The following CELA2B variants were observed in gnomAD, a reference collection of about 807,000 sequenced individuals.
CELA2B encodes chymotrypsin like elastase 2B.
CELA2B carries 27 observed loss-of-function variants against 36.5 expected under a neutral mutation model. The observed-to-expected ratio is 0.74, with a 90% CI of 0.55 to 1.02. The LOEUF (loss-of-function observed/expected upper bound fraction) is 1.02. CELA2B is among the 50% of genes least tolerant of loss of function. The pLI, the probability that CELA2B is intolerant of heterozygous loss-of-function variation, is 0.00. For missense variants in CELA2B, 340 were observed against 347.8 expected, an observed-to-expected ratio of 0.98 and a Z score of 0.18; for synonymous variants, 143 against 148.5, an observed-to-expected ratio of 0.96 and a Z score of 0.27.
At chr1:15,476,347 G>A in intron 1 of CELA2B, 110 bp from the exon 2 acceptor site, 2 of 1,392,838 alleles carry the variant, frequency 1.4e-6, no homozygotes, top group South Asian at 2.4e-5. Flanking sequence ...GACCTCTTGG[G>A]ATCCTTCTAG....
chr1:15,477,938 T>C (rs1324099665), intron 2 of CELA2B, among the ~76,000 whole-genome samples: 1 of 152,098 alleles, frequency 6.6e-6, no homozygotes, highest in Admixed American at 6.6e-5. Flanking sequence ...GCATTCAGAG[T>C]GACCTATGCA....
intron 2 of CELA2B, among the ~76,000 whole-genome samples, chr1:15,480,067 C>T (rs1302827890): frequency 1.3e-5 from 2 of 152,126 alleles, no homozygotes; most frequent in African/African-American, 2.4e-5. Context: ...AAGGATCAGT[C>T]TGGCTGCTGT....
intron 2 of CELA2B, among the ~76,000 whole-genome samples, chr1:15,479,675 G>A (rs571688130): frequency 2.6e-4 from 39 of 152,366 alleles, no homozygotes; most frequent in Non-Finnish European, 4.9e-4. Context: ...GTGTCTGTGT[G>A]TGCATATGTA....
rs186936455 is a variant in CELA2B, at chr1:15,476,326, A to C, written c.41-131A>C. The C allele has an allele frequency of 3.1e-5, 44 of 1,401,538 alleles. No individual in the cohort carries two copies. In the East Asian group the frequency reaches 8.5e-4, roughly 27 times the overall value. The allele number at this position is 1,401,538 out of a possible 1,614,324, so 86.8% of individuals were successfully genotyped here. A position where few individuals can be genotyped will look rare whatever the true frequency, so the allele number is the denominator to read the frequency against. On this transcript the variant is annotated intron_variant, in intron 1 of 7. Transcript: ENST00000375910. ...AGTTTCAAAGAATTGGAGCAAACAG[A>C]AGGATTTTATGACCTCTTGGGATCC...
rs1177420286 is a variant in CELA2B, at chr1:15,485,986, C to T, written c.579C>T (p.Gly193=). 6.2e-7 allele frequency: 1 copy of T among 1,614,044 alleles called. No individual in the cohort carries two copies. Among genetic ancestry groups the T allele is most frequent in the Non-Finnish European group, 8.5e-7 (1 of 1,180,046 alleles). ...CCTGCTCCAGCTCTGGCTGGTGGGG[C>T]AGCACCGTGAAGACGAATATGATCT... ...YATCSSSGWW[G]STVKTNMICA... The change falls in exon 6 of 8, where the codon GGC becomes GGT. Residue 193 remains glycine, a synonymous_variant. Coordinates refer to ENST00000375910, the MANE Select transcript of CELA2B (RefSeq NM_015849.3).
At chr1:15,490,033 C>T (rs1708857916) in intron 7 of CELA2B, among the ~76,000 whole-genome samples, 3 of 152,122 alleles carry the variant, frequency 2.0e-5, no homozygotes, top group Non-Finnish European at 4.4e-5. Flanking sequence ...ACCACCATGC[C>T]CAACTAATTT....
At chr1:15,487,250 C>T (rs1434944758) in intron 6 of CELA2B, 35 bp from the exon 7 acceptor site, 3 of 1,600,926 alleles carry the variant, frequency 1.9e-6, no homozygotes, top group Non-Finnish European at 1.7e-6. Context: ...CCCCTTCCTC[C>T]CACTTCAACT....
chr1:15,477,913 G>A (rs181771595), intron 2 of CELA2B, among the ~76,000 whole-genome samples: 1 of 152,298 alleles, frequency 6.6e-6, no homozygotes, highest in East Asian at 1.9e-4. Flanking sequence ...GCAACTAGCA[G>A]CCCACTAGCC....
chr1:15,483,678 G>A lies in CELA2B; in HGVS notation c.493+278G>A, dbSNP rs371421342. ...CGCGGTGGCTCACGCCTGTAATCCC[G>A]GCACTTTGGGAGGCCGAGACGAGCA... On this transcript the variant is annotated intron_variant, in intron 5 of 7. Transcript: ENST00000375910. Among the ~76,000 whole-genome samples the A allele has an allele frequency of 1.3e-4, 20 of 152,194 alleles. No homozygotes were observed. In the East Asian group the frequency reaches 1.9e-3, roughly 15 times the overall value.
intron 2 of CELA2B, among the ~76,000 whole-genome samples, chr1:15,476,826 T>C (rs990615056): frequency 1.6e-4 from 25 of 151,894 alleles, no homozygotes; most frequent in Non-Finnish European, 3.4e-4. Context: ...CTACTAATAA[T>C]AAAAAATTAG....
intron 6 of CELA2B, among the ~76,000 whole-genome samples, 197 bp downstream of exon 6, chr1:15,486,243 G>A (rs1708803401): frequency 6.6e-6 from 1 of 152,152 alleles, no homozygotes; most frequent in African/African-American, 2.4e-5. Flanking sequence ...CACTTTGGGA[G>A]GCCGAGGTGG....
intron 3 of CELA2B, 101 bp downstream of exon 3, chr1:15,481,296 G>C (rs1413273368): frequency 5.8e-6 from 8 of 1,389,172 alleles, no homozygotes; most frequent in Non-Finnish European, 8.2e-6. Flanking sequence ...AAGTAACCTT[G>C]CAAATAACCA....
At chr1:15,480,990 G>A in intron 2 of CELA2B, 108 bp from the exon 3 acceptor site, 1 of 1,186,172 alleles carries the variant, frequency 8.4e-7, no homozygotes, top group Non-Finnish European at 1.2e-6. Context: ...TACCTGAGGT[G>A]AGTGCCTCAC....
rs769388813 is a variant in CELA2B at position 15,483,298 on chromosome 1, G to A, written c.391G>A (p.Val131Ile). 1.7e-5 allele frequency: 28 copies of A among 1,613,746 alleles called. No homozygotes were observed. Among genetic ancestry groups the A allele is most frequent in the South Asian group, 7.7e-5 (7 of 91,054 alleles). ...TGCCCTGCTCAAACTGGCTAACCCC[G>A]TCTCCCTCACCGACAAGATCCAGCT... Reference protein sequence around the residue: ...DIALLKLANPVSLTDKIQLAC... With the variant: ...DIALLKLANPISLTDKIQLAC... Residue 131 changes from valine to isoleucine, a missense_variant, in exon 5 of 8, where the codon GTC (valine) becomes ATC (isoleucine). By Grantham distance (29) the Val-to-Ile change is conservative (BLOSUM62 3). Transcript: ENST00000375910.
chr1:15,486,356 G>A (rs1280897767), intron 6 of CELA2B, among the ~76,000 whole-genome samples: 6 of 152,198 alleles, frequency 3.9e-5, no homozygotes, highest in African/African-American at 7.2e-5. Flanking sequence ...GTGGGTGCCT[G>A]TAGTCACAGC....
At chr1:15,482,143 G>C in intron 3 of CELA2B, 122 bp from the exon 4 acceptor site, 1 of 1,209,352 alleles carries the variant, frequency 8.3e-7, no homozygotes, top group Non-Finnish European at 1.2e-6. Context: ...TCCCAGGGGA[G>C]GAAAGATCCC....
intron 7 of CELA2B, 133 bp downstream of exon 7, chr1:15,487,570 T>G (rs1708821366): frequency 8.8e-6 from 11 of 1,255,914 alleles, no homozygotes; most frequent in Non-Finnish European, 1.2e-5. Flanking sequence ...TGGAGGAGGC[T>G]GCAGACCTTG....
chr1:15,489,052 G>A (rs182249973), intron 7 of CELA2B, among the ~76,000 whole-genome samples: 4 of 152,354 alleles, frequency 2.6e-5, no homozygotes, highest in African/African-American at 7.2e-5. Flanking sequence ...CACCACGCAC[G>A]TCAAAGGAGC....
intron 2 of CELA2B, among the ~76,000 whole-genome samples, chr1:15,478,709 A>T (rs1708702388): frequency 6.6e-6 from 1 of 151,366 alleles, no homozygotes; most frequent in Non-Finnish European, 1.5e-5. Context: ...AGAATTAGAG[A>T]TGTGTGCCAC....
Sources: gnomAD v4.1 joint callset for allele counts (sites outside exome capture counted in the v4.1 genomes callset) on GRCh38, gnomAD v4.1.1 for gene constraint, MANE v1.5 for transcripts, NCBI Gene and HGNC (gene_info 2026-07-23, HGNC 2026-07-21) for gene names.